The following ALK variants were observed in gnomAD, a reference collection of about 807,000 sequenced individuals.
The protein encoded by ALK is ALK receptor tyrosine kinase.
In ALK, 74 loss-of-function variants were observed where a neutral mutation model predicts 163.1. The observed-to-expected ratio is 0.45, with a 90% CI of 0.38 to 0.55. ALK has a LOEUF of 0.55. Ranked by LOEUF, ALK falls within the 20% of genes least tolerant of loss-of-function variation. The pLI is 0.00. For missense variants in ALK, 2,063 were observed against 2,105.3 expected (o/e 0.98, Z 0.39); for synonymous variants, 960 against 843.2 (o/e 1.14, Z -2.40).
At position 29,364,140 on chromosome 2, in the gene ALK, C is replaced by T. The variant is rs550097413; in HGVS notation, c.1282+19592G>A. ...AGAATCCTTCATGGTTAGAGATTAA[C>T]GAAAGGGAGGCTATTCAGATACATG... On this transcript the variant is annotated intron_variant, in intron 5 of 28. Transcript: ENST00000389048. Among the ~76,000 whole-genome samples the T allele has an allele frequency of 1.3e-4, 20 of 152,224 alleles. No individual in the cohort carries two copies. The East Asian group carries it at 2.5e-3, about 19-fold the overall frequency.
chr2:29,795,696 A>G (rs1246453199), intron 1 of ALK, among the ~76,000 whole-genome samples: 2 of 152,212 alleles, frequency 1.3e-5, no homozygotes, highest in Non-Finnish European at 2.9e-5. Flanking sequence ...AAATGAAAAT[A>G]TCATCTTAAA....
At chr2:29,225,999 GC>G (rs1180591211) in intron 18 of ALK, among the ~76,000 whole-genome samples, 1 of 152,140 alleles carries the variant, frequency 6.6e-6, no homozygotes, top group Non-Finnish European at 1.5e-5. Context: ...GGGGTCCTGT[GC>G]CCTCTGCTGG....
At chr2:29,427,193 G>A (rs2148071499) in intron 4 of ALK, among the ~76,000 whole-genome samples, 1 of 151,850 alleles carries the variant, frequency 6.6e-6, no homozygotes, top group East Asian at 1.9e-4. Flanking sequence ...AGTAAGGAAA[G>A]CACACCTGAT....
At chr2:29,232,261 CCTGGGAGAGGTT>C in intron 15 of ALK, 31 bp downstream of exon 15, 1 of 1,613,108 alleles carries the variant, frequency 6.2e-7, no homozygotes, top group Non-Finnish European at 8.5e-7. Flanking sequence ...CAGCTGAAGG[CCTGGGAGAGGTT>C]CTGGGAGAGG....
intron 5 of ALK, among the ~76,000 whole-genome samples, chr2:29,354,752 C>T (rs965344554): frequency 6.6e-6 from 1 of 151,882 alleles, no homozygotes; most frequent in African/African-American, 2.4e-5. Flanking sequence ...TTACCACATG[C>T]CCACTTTTCT....
chr2:29,488,010 T>C (rs1247492674), intron 4 of ALK, among the ~76,000 whole-genome samples: 1 of 152,142 alleles, frequency 6.6e-6, no homozygotes, highest in Non-Finnish European at 1.5e-5. Context: ...TGGACTCTTT[T>C]ATACTAGTTA....
chr2:29,598,807 A>T (rs1675291957), intron 3 of ALK, among the ~76,000 whole-genome samples: 1 of 152,198 alleles, frequency 6.6e-6, no homozygotes, highest in African/African-American at 2.4e-5. Context: ...ATATTTGATG[A>T]ATATTCTATA....
intron 3 of ALK, among the ~76,000 whole-genome samples, chr2:29,572,462 C>T (rs992113412): frequency 6.6e-6 from 1 of 152,184 alleles, no homozygotes; most frequent in East Asian, 1.9e-4. Flanking sequence ...TTCCTGAGCA[C>T]GCCTGGCTCT....
chr2:29,428,075 A>G (rs1217103637), intron 4 of ALK, among the ~76,000 whole-genome samples: 3 of 152,082 alleles, frequency 2.0e-5, no homozygotes, highest in Non-Finnish European at 4.4e-5. Flanking sequence ...ATACTTTGAG[A>G]TAAATGAAAA....
chr2:29,299,874 A>G (rs1288754801), intron 8 of ALK, among the ~76,000 whole-genome samples: 4 of 152,196 alleles, frequency 2.6e-5, no homozygotes, highest in Admixed American at 6.5e-5. Flanking sequence ...TTCCATCTTC[A>G]TCTCAAGTCA....
chr2:29,703,061 G>A (rs1250132502), intron 2 of ALK, among the ~76,000 whole-genome samples: 1 of 152,258 alleles, frequency 6.6e-6, no homozygotes, highest in Non-Finnish European at 1.5e-5. Context: ...TCTGTTTTCA[G>A]AAGGGGCCTA....
intron 5 of ALK, among the ~76,000 whole-genome samples, chr2:29,375,595 G>A (rs1473033724): frequency 6.6e-6 from 1 of 152,172 alleles, no homozygotes; most frequent in Admixed American, 6.5e-5. Flanking sequence ...GGGATTACAG[G>A]TGTGAGCCAC....
chr2:29,262,796 C>T (rs1665121025), intron 11 of ALK, among the ~76,000 whole-genome samples: 1 of 152,228 alleles, frequency 6.6e-6, no homozygotes, highest in Non-Finnish European at 1.5e-5. Flanking sequence ...GCTGAATTGC[C>T]CTAAGCAGCT....
intron 20 of ALK, among the ~76,000 whole-genome samples, chr2:29,223,083 T>C (rs1372371038): frequency 6.6e-6 from 1 of 152,124 alleles, no homozygotes; most frequent in Non-Finnish European, 1.5e-5. Context: ...CCAGGTAGAC[T>C]TGGAGAGAGC....
At chr2:29,225,955 T>C (rs534121902) in intron 18 of ALK, among the ~76,000 whole-genome samples, 4 of 152,138 alleles carry the variant, frequency 2.6e-5, no homozygotes, top group Non-Finnish European at 4.4e-5. Flanking sequence ...AGTTACTTCC[T>C]TGTGGCCCTG....
At chr2:29,814,189 A>G (rs1664832256) in intron 1 of ALK, among the ~76,000 whole-genome samples, 1 of 152,184 alleles carries the variant, frequency 6.6e-6, no homozygotes, top group Admixed American at 6.5e-5. Flanking sequence ...TCTGTTTCAT[A>G]GAAGAGGCAC....
chr2:29,714,704 C>G (rs1260743493), intron 2 of ALK, among the ~76,000 whole-genome samples: 8 of 152,156 alleles, frequency 5.3e-5, no homozygotes, highest in Admixed American at 2.0e-4. Context: ...AAGAACGATC[C>G]CTTCAGGCAG....
chr2:29,286,190 G>A (rs1665852292), intron 9 of ALK, among the ~76,000 whole-genome samples: 1 of 152,136 alleles, frequency 6.6e-6, no homozygotes, highest in Admixed American at 6.6e-5. Flanking sequence ...ATGATCTGTT[G>A]GAACCTGCAG....
chr2:29,616,969 A>G (rs1289096493), intron 3 of ALK, among the ~76,000 whole-genome samples: 2 of 152,092 alleles, frequency 1.3e-5, no homozygotes, highest in South Asian at 4.1e-4. Context: ...ATAAATTTGT[A>G]TGGCCTTCCT....
Sources: gnomAD v4.1 joint callset for allele counts (sites outside exome capture counted in the v4.1 genomes callset) on GRCh38, gnomAD v4.1.1 for gene constraint, MANE v1.5 for transcripts, NCBI Gene and HGNC (gene_info 2026-07-23, HGNC 2026-07-21) for gene names.